RIT2: variants seen among roughly 807,000 people sequenced by gnomAD.
The protein encoded by RIT2 is Ras like without CAAX 2, also known as GTP-binding protein Rit2.
A neutral mutation model predicts 23.7 loss-of-function variants in RIT2; 24 were observed. That is an observed-to-expected ratio of 1.01 (90% CI 0.73 to 1.43). The LOEUF is 1.43. Among genes scored for constraint, RIT2 ranks in the 40% most tolerant of loss-of-function variants. The pLI, the probability that RIT2 is intolerant of heterozygous loss-of-function variation, is 0.00. For synonymous variants in RIT2, 107 were observed against 91.1 expected, an observed-to-expected ratio of 1.17 and a Z score of -0.99; for missense variants, 236 against 266.9, an observed-to-expected ratio of 0.88 and a Z score of 0.81.
intron 3 of RIT2, among the ~76,000 whole-genome samples, chr18:42,970,229 A>G (rs926867417): frequency 6.6e-6 from 1 of 151,986 alleles, no homozygotes; most frequent in Non-Finnish European, 1.5e-5. Context: ...AACTATAAAG[A>G]AATTCTCAGC....
intron 1 of RIT2, among the ~76,000 whole-genome samples, chr18:43,080,189 T>C (rs1276092552): frequency 6.6e-6 from 1 of 152,204 alleles, no homozygotes; most frequent in African/African-American, 2.4e-5. Flanking sequence ...CGCTTTCCTC[T>C]GTTAGAGAAT....
chr18:42,933,476 G>A (rs1214288464), intron 3 of RIT2, among the ~76,000 whole-genome samples: 1 of 152,054 alleles, frequency 6.6e-6, no homozygotes, highest in African/African-American at 2.4e-5. Flanking sequence ...CCACATCCTG[G>A]AAGGGACCTG....
At chr18:43,107,663 C>T (rs1913856190) in intron 1 of RIT2, among the ~76,000 whole-genome samples, 1 of 152,100 alleles carries the variant, frequency 6.6e-6, no homozygotes, top group Non-Finnish European at 1.5e-5. Context: ...GTCACCTTCT[C>T]TCTATGTGGT....
intron 2 of RIT2, among the ~76,000 whole-genome samples, chr18:43,004,168 A>ATTTAATTAATT (rs1399583817): frequency 1.3e-5 from 2 of 151,782 alleles, no homozygotes; most frequent in African/African-American, 4.8e-5. Context: ...ATTTCATATT[A>ATTTAATTAATT]CTGTATTTAA....
intron 4 of RIT2, among the ~76,000 whole-genome samples, chr18:42,747,355 A>G (rs1315297149): frequency 6.6e-6 from 1 of 152,068 alleles, no homozygotes; most frequent in Non-Finnish European, 1.5e-5. Context: ...GAAGTGAAAG[A>G]CCTCTACAAG....
chr18:43,027,267 C>A, intron 2 of RIT2, among the ~76,000 whole-genome samples: 1 of 151,914 alleles, frequency 6.6e-6, no homozygotes. Context: ...AGCTTTATAG[C>A]AAGGCAGTGG....
chr18:43,068,313 G>C (rs1268563534), intron 1 of RIT2, among the ~76,000 whole-genome samples: 1 of 152,158 alleles, frequency 6.6e-6, no homozygotes, highest in Non-Finnish European at 1.5e-5. Context: ...GTTAGGGTTA[G>C]AGCTCAGACT....
At chr18:42,841,057 G>A (rs9304287) in intron 4 of RIT2, among the ~76,000 whole-genome samples, 37,769 of 152,042 alleles carry the variant, frequency 0.25, 4,982 homozygotes, top group African/African-American at 0.33. Flanking sequence ...GCAGAAATTG[G>A]TACCTAAGGA....
At chr18:42,792,105 T>C (rs949726325) in intron 4 of RIT2, among the ~76,000 whole-genome samples, 1 of 152,210 alleles carries the variant, frequency 6.6e-6, no homozygotes, top group African/African-American at 2.4e-5. Flanking sequence ...TAGCAATGGA[T>C]AGGGAAAAAA....
At chr18:43,106,559 G>A (rs1174386397) in intron 1 of RIT2, among the ~76,000 whole-genome samples, 1 of 152,004 alleles carries the variant, frequency 6.6e-6, no homozygotes, top group East Asian at 1.9e-4. Context: ...TTTTTTCCTG[G>A]GACTGCAAAT....
chr18:42,796,893 G>A (rs1264357214), intron 4 of RIT2, among the ~76,000 whole-genome samples: 1 of 152,116 alleles, frequency 6.6e-6, no homozygotes, highest in Non-Finnish European at 1.5e-5. Flanking sequence ...AGTAAAGACA[G>A]AAGAGCTCAG....
At chr18:42,781,618 T>G in intron 4 of RIT2, among the ~76,000 whole-genome samples, 1 of 152,146 alleles carries the variant, frequency 6.6e-6, no homozygotes, top group East Asian at 1.9e-4. Flanking sequence ...ATGGTAAAAT[T>G]TAGCTGGGTT....
At chr18:42,887,663 T>C (rs188615319) in intron 4 of RIT2, among the ~76,000 whole-genome samples, 1 of 152,282 alleles carries the variant, frequency 6.6e-6, no homozygotes, top group Admixed American at 6.5e-5. Context: ...CTTGTTGGTA[T>C]TTACTCAGAT....
At chr18:42,996,961 A>G (rs892773327) in intron 2 of RIT2, among the ~76,000 whole-genome samples, 6 of 151,988 alleles carry the variant, frequency 3.9e-5, no homozygotes, top group East Asian at 1.9e-4. Context: ...ACCATGTGAC[A>G]TTTCATTTTT....
At chr18:42,756,414 G>A (rs2143892088) in intron 4 of RIT2, among the ~76,000 whole-genome samples, 1 of 152,214 alleles carries the variant, frequency 6.6e-6, no homozygotes, top group East Asian at 1.9e-4. Flanking sequence ...AAGTCTCAAA[G>A]GCCTTGTGCT....
chr18:42,923,050 T>C (rs1246134355), intron 4 of RIT2, among the ~76,000 whole-genome samples: 1 of 152,188 alleles, frequency 6.6e-6, no homozygotes, highest in East Asian at 1.9e-4. Flanking sequence ...TGGGAGATTT[T>C]CGTGTTCTAT....
intron 3 of RIT2, among the ~76,000 whole-genome samples, chr18:42,930,604 T>C (rs915590355): frequency 2.0e-5 from 3 of 152,084 alleles, no homozygotes; most frequent in African/African-American, 7.2e-5. Flanking sequence ...CTGGATCTGG[T>C]AGTTGTAATG....
At chr18:43,069,161 A>T (rs939488590) in intron 1 of RIT2, among the ~76,000 whole-genome samples, 2 of 152,150 alleles carry the variant, frequency 1.3e-5, no homozygotes, top group Non-Finnish European at 2.9e-5. Flanking sequence ...ATCCTTTATC[A>T]CAAACCCTTG....
At chr18:42,932,364 CTTCT>C (rs1321086238) in intron 3 of RIT2, among the ~76,000 whole-genome samples, 1 of 152,144 alleles carries the variant, frequency 6.6e-6, no homozygotes, top group Non-Finnish European at 1.5e-5. Flanking sequence ...TCTGATTACT[CTTCT>C]TTAAGTACTG....
Sources: gnomAD v4.1 joint callset for allele counts (sites outside exome capture counted in the v4.1 genomes callset) on GRCh38, gnomAD v4.1.1 for gene constraint, MANE v1.5 for transcripts, NCBI Gene and HGNC (gene_info 2026-07-23, HGNC 2026-07-21) for gene names.